Variants in TTC29 observed in about 807,000 individuals in gnomAD.
TTC29 encodes tetratricopeptide repeat domain 29.
Under a neutral mutation model 58.1 loss-of-function variants are expected in TTC29, and 49 were observed. The ratio of observed to expected loss-of-function variants is 0.84; its 90% CI spans 0.67 to 1.07. The LOEUF is 1.07. Among genes scored for constraint, TTC29 ranks in the 50% least tolerant of loss-of-function variants. The pLI, the probability that TTC29 is intolerant of heterozygous loss-of-function variation, is 0.00. For synonymous variants in TTC29, 209 were observed against 196.8 expected (o/e 1.06, Z -0.52); for missense variants, 582 against 555.6 (o/e 1.05, Z -0.48).
chr4:146,836,626 T>C (rs1033016499), intron 8 of TTC29, among the ~76,000 whole-genome samples: 2 of 152,108 alleles, frequency 1.3e-5, no homozygotes, highest in East Asian at 3.8e-4. Context: ...ACAAATTCTG[T>C]AGAAGATACA....
chr4:146,758,184 AG>A (rs1409833079), intron 11 of TTC29, among the ~76,000 whole-genome samples: 3 of 152,156 alleles, frequency 2.0e-5, no homozygotes, highest in African/African-American at 7.2e-5. Flanking sequence ...AAGCAGGAGT[AG>A]CTATTCTGAT....
At chr4:146,817,217 A>T (rs1751472259) in intron 10 of TTC29, among the ~76,000 whole-genome samples, 1 of 152,374 alleles carries the variant, frequency 6.6e-6, no homozygotes, top group South Asian at 2.1e-4. Flanking sequence ...TTAAGCTGAT[A>T]AGCAACTTCA....
intron 8 of TTC29, among the ~76,000 whole-genome samples, chr4:146,841,580 A>AT (rs1203479467): frequency 2.0e-5 from 3 of 151,462 alleles, no homozygotes; most frequent in Non-Finnish European, 1.5e-5. Context: ...TTTTTTTCTT[A>AT]TTTTTTTTCC....
At chr4:146,864,804 T>C (rs1730462998) in intron 8 of TTC29, among the ~76,000 whole-genome samples, 1 of 152,200 alleles carries the variant, frequency 6.6e-6, no homozygotes, top group Admixed American at 6.5e-5. Context: ...CTTATAAGAA[T>C]GTTTGTCTTC....
At chr4:146,775,713 T>C (rs112826037) in intron 11 of TTC29, among the ~76,000 whole-genome samples, 13,174 of 152,180 alleles carry the variant, frequency 0.087, 723 homozygotes, top group South Asian at 0.15. Context: ...CCTTGGAAAA[T>C]CTGATGTTTA....
intron 10 of TTC29, among the ~76,000 whole-genome samples, chr4:146,811,470 C>A (rs749792336): frequency 2.2e-4 from 33 of 152,110 alleles, no homozygotes; most frequent in Non-Finnish European, 3.8e-4. Flanking sequence ...TCACTGACTT[C>A]TAACCCTTTA....
At chr4:146,724,059 C>A (rs1743581332) in intron 11 of TTC29, among the ~76,000 whole-genome samples, 1 of 152,156 alleles carries the variant, frequency 6.6e-6, no homozygotes, top group Non-Finnish European at 1.5e-5. Flanking sequence ...AGAGTGAAAT[C>A]ATGTCCTTTG....
chr4:146,729,881 C>T (rs1744200096), intron 11 of TTC29, among the ~76,000 whole-genome samples: 1 of 151,912 alleles, frequency 6.6e-6, no homozygotes, highest in Non-Finnish European at 1.5e-5. Context: ...AAATCCCCTC[C>T]CACCATGACC....
At chr4:146,818,640 T>G (rs72491776) in intron 10 of TTC29, among the ~76,000 whole-genome samples, 9,490 of 152,262 alleles carry the variant, frequency 0.062, 400 homozygotes, top group Admixed American at 0.13. Flanking sequence ...CACTCGTATG[T>G]TTATTGCAGC....
At chr4:146,782,864 T>G (rs1748724740) in intron 11 of TTC29, among the ~76,000 whole-genome samples, 1 of 152,022 alleles carries the variant, frequency 6.6e-6, no homozygotes, top group African/African-American at 2.4e-5. Flanking sequence ...AACCAAAGTT[T>G]TAATCATCAA....
chr4:146,800,339 T>TA (rs1360344759), intron 11 of TTC29, among the ~76,000 whole-genome samples: 1 of 152,228 alleles, frequency 6.6e-6, no homozygotes, highest in Non-Finnish European at 1.5e-5. Context: ...TTGCCTGCTC[T>TA]CTGAGCTAAT....
intron 11 of TTC29, among the ~76,000 whole-genome samples, chr4:146,733,926 C>G (rs1404633620): frequency 6.6e-6 from 1 of 151,914 alleles, no homozygotes; most frequent in East Asian, 1.9e-4. Context: ...AATTTGTAGC[C>G]AGAATAGCAT....
chr4:146,887,679 C>T (rs1045721008), intron 6 of TTC29, among the ~76,000 whole-genome samples: 1 of 152,048 alleles, frequency 6.6e-6, no homozygotes, highest in African/African-American at 2.4e-5. Context: ...AAATTCTCAA[C>T]CCAGTTTTAA....
At chr4:146,899,934 A>G (rs73852736) in intron 6 of TTC29, among the ~76,000 whole-genome samples, 9,789 of 152,174 alleles carry the variant, frequency 0.064, 1,078 homozygotes, top group African/African-American at 0.22. Flanking sequence ...CACAGCTGCC[A>G]CCTAGCTGTT....
intron 8 of TTC29, among the ~76,000 whole-genome samples, chr4:146,855,306 G>A (rs533087938): frequency 1.3e-5 from 2 of 152,198 alleles, no homozygotes; most frequent in South Asian, 2.1e-4. Context: ...GGTGGTGCAC[G>A]CCTGTAATCC....
At chr4:146,736,454 A>G (rs1744715109) in intron 11 of TTC29, among the ~76,000 whole-genome samples, 1 of 152,230 alleles carries the variant, frequency 6.6e-6, no homozygotes, top group Admixed American at 6.5e-5. Flanking sequence ...AACATAAAAC[A>G]GAAGGCATGT....
intron 10 of TTC29, among the ~76,000 whole-genome samples, chr4:146,817,238 AG>A (rs1352495975): frequency 6.6e-6 from 1 of 152,244 alleles, no homozygotes; most frequent in Non-Finnish European, 1.5e-5. Flanking sequence ...GCAAAGTCTC[AG>A]GGTACAAAAT....
In TTC29 at chr4:146,874,801, T is replaced by C; in HGVS notation, c.714A>G (p.Arg238=). The C allele has an allele frequency of 6.2e-7, 1 of 1,612,652 alleles. No individual in the cohort carries two copies. The highest frequency in any genetic ancestry group is 1.1e-5 in the South Asian group (1 of 90,890). Residue 238 remains arginine (R), a synonymous_variant, in exon 7 of 13, where the codon AGA becomes AGG. Coordinates refer to ENST00000325106, the MANE Select transcript of TTC29 (RefSeq NM_031956.4). ...LACESLLRTY[R]LLSDKMLENK... is the part of the protein sequence containing the mutation. ...TTTCTAGCATTTTGTCTGAGAGTAA[T>C]CTGTAAGTCCTCAGGAGACTCTCAC...
intron 8 of TTC29, among the ~76,000 whole-genome samples, chr4:146,842,879 T>G (rs1019368955): frequency 6.6e-6 from 1 of 152,206 alleles, no homozygotes; most frequent in African/African-American, 2.4e-5. Flanking sequence ...CATCTTGAGC[T>G]TGAAATCATT....
Sources: gnomAD v4.1 joint callset for allele counts (sites outside exome capture counted in the v4.1 genomes callset) on GRCh38, gnomAD v4.1.1 for gene constraint, MANE v1.5 for transcripts, NCBI Gene and HGNC (gene_info 2026-07-23, HGNC 2026-07-21) for gene names.